ZNF282: variants seen among roughly 807,000 people sequenced by gnomAD.
The protein encoded by ZNF282 is HTLV-I U5 repressive element-binding protein 1.
In ZNF282, 30 loss-of-function variants were observed where a neutral mutation model predicts 61.9. The ratio of observed to expected loss-of-function variants is 0.48; its 90% CI spans 0.36 to 0.66. The LOEUF (loss-of-function observed/expected upper bound fraction) is 0.66. Ranked by LOEUF, ZNF282 falls within the 30% of genes least tolerant of loss-of-function variation. The pLI is 0.00. For synonymous variants in ZNF282, 396 were observed against 405.0 expected (o/e 0.98, Z 0.27); for missense variants, 788 against 941.4 (o/e 0.84, Z 2.13).
chr7:149,220,378 C>G (rs538815061), intron 7 of ZNF282, among the ~76,000 whole-genome samples: 43 of 152,076 alleles, frequency 2.8e-4, no homozygotes, highest in Non-Finnish European at 5.1e-4. Context: ...CGCCACTGCA[C>G]TCCAGCCTGC....
At chr7:149,212,244 C>A in intron 5 of ZNF282, 114 bp from the exon 6 acceptor site, 1 of 682,672 alleles carries the variant, frequency 1.5e-6, no homozygotes, top group Non-Finnish European at 2.5e-6. Context: ...GTAATTGTAC[C>A]TGATGTTTAG....
chr7:149,216,862 G>C (rs756264271), intron 7 of ZNF282, among the ~76,000 whole-genome samples: 3 of 152,242 alleles, frequency 2.0e-5, no homozygotes, highest in Non-Finnish European at 4.4e-5. Context: ...TTGTAAAAGG[G>C]ACTCCTGAAT....
At chr7:149,202,544 G>C (rs997857108) in intron 2 of ZNF282, among the ~76,000 whole-genome samples, 3 of 151,990 alleles carry the variant, frequency 2.0e-5, no homozygotes, top group Non-Finnish European at 2.9e-5. Context: ...TCGAACTCCT[G>C]ACCTCGTGAT....
chr7:149,210,813 C>G, intron 5 of ZNF282, 109 bp downstream of exon 5: 1 of 1,410,812 alleles, frequency 7.1e-7, no homozygotes, highest in Non-Finnish European at 9.4e-7. Flanking sequence ...GGCCAGAGGG[C>G]TGAGCTCGAA....
chr7:149,200,379 T>C (rs1030899642), intron 2 of ZNF282, among the ~76,000 whole-genome samples: 1 of 152,162 alleles, frequency 6.6e-6, no homozygotes, highest in African/African-American at 2.4e-5. Flanking sequence ...GTGACCACTC[T>C]CTCCGTGAAA....
rs543127445 is a variant in ZNF282 at position 149,209,705 on chromosome 7, C to T, written c.833-880C>T. On this transcript the variant is annotated intron_variant, in intron 4 of 7. Coordinates refer to ENST00000610704, the MANE Select transcript of ZNF282 (RefSeq NM_003575.4). Reference sequence around the variant, plus strand: ...TGGTGCGGAGTTGAAGGCAGGATCCCAGTCTTCAGATTCTTTGTCTTCTCT... The same window carrying T: ...TGGTGCGGAGTTGAAGGCAGGATCCTAGTCTTCAGATTCTTTGTCTTCTCT... 7.9e-5 allele frequency among the ~76,000 whole-genome samples: 12 copies of T among 152,222 alleles called. No homozygotes were observed. The East Asian group carries it at 9.7e-4, about 12-fold the overall frequency.
rs2129523855 is a variant in ZNF282, at chr7:149,225,899, C to T, written c.*1252C>T. On this transcript the variant is annotated 3_prime_UTR_variant, in exon 8 of 8. Transcript: ENST00000610704. ...CTCCGGGCGCTGCGTCCCGAGGGGC[C>T]ACAGTCTCCATTTCAGCGTCTTGCA... is the stretch of plus-strand genomic sequence containing the variant. 1 of 152,796 alleles carries T rather than the reference C, an allele frequency of 6.5e-6. No individual in the cohort carries two copies. Among genetic ancestry groups the T allele is most frequent in the Non-Finnish European group, 1.5e-5 (1 of 68,112 alleles). 9.5% of individuals were successfully genotyped at this position (152,796 alleles called of 1,614,324 possible).
At chr7:149,214,255 T>C (rs1585570857) in intron 7 of ZNF282, among the ~76,000 whole-genome samples, 1 of 152,308 alleles carries the variant, frequency 6.6e-6, no homozygotes, top group East Asian at 1.9e-4. Flanking sequence ...CTTGTGTCTG[T>C]CCTCACATGC....
chr7:149,222,434 A>G (rs996210771), intron 7 of ZNF282, among the ~76,000 whole-genome samples: 13 of 152,082 alleles, frequency 8.5e-5, no homozygotes, highest in African/African-American at 3.1e-4. Context: ...GGGCCTCTAG[A>G]TGGTTTTCAC....
At chr7:149,218,104 GAA>G (rs553203834) in intron 7 of ZNF282, among the ~76,000 whole-genome samples, 4 of 96,568 alleles carry the variant, frequency 4.1e-5, no homozygotes. Context: ...CCCTGTCTCA[GAA>G]AAAAAAAAAA....
At chr7:149,209,012 C>A (rs1389230652) in intron 4 of ZNF282, among the ~76,000 whole-genome samples, 1 of 14,324 alleles carries the variant, frequency 7.0e-5, no homozygotes, top group Non-Finnish European at 2.8e-4. Flanking sequence ...CAGAGGGAGA[C>A]TTCATCTCAA....
Position 149,220,006 on chromosome 7 carries a change from C to G in ZNF282, c.1181-3806C>G, listed in dbSNP as rs140300653. Among the ~76,000 whole-genome samples the G allele has an allele frequency of 2.5e-3, 384 of 152,190 alleles. 2 individuals are homozygous for G. The highest frequency in any genetic ancestry group is 8.9e-3 in the African/African-American group (368 of 41,512). Reference sequence around the variant, plus strand: ...AAATGACATGTGAGGAGCTGGGGCACGGGCCACATGGGCCTAGGGAGGGGG... The same window carrying G: ...AAATGACATGTGAGGAGCTGGGGCAGGGGCCACATGGGCCTAGGGAGGGGG... On this transcript the variant is annotated intron_variant, in intron 7 of 7. Transcript: ENST00000610704.
In ZNF282 at chr7:149,199,305, G is replaced by A. The variant is rs1293278824; in HGVS notation, c.585+553G>A. Among the ~76,000 whole-genome samples, 4 of 152,248 alleles carry A rather than the reference G, an allele frequency of 2.6e-5. No individual in the cohort carries two copies. The East Asian group carries it at 7.7e-4, about 29-fold the overall frequency. The stretch of plus-strand genomic sequence containing the variant: ...TTCACTGAGAGAACGGAGTCACCCA[G>A]AAGAGGCGTCCACATGCAGCCAGCT... On this transcript the variant is annotated intron_variant, in intron 2 of 7. Transcript: ENST00000610704.
Position 149,213,436 on chromosome 7 carries a change from G to A in ZNF282, c.1067-265G>A, listed in dbSNP as rs539605846. ...TCCTCTGGGGCTAAGTGGCAGAGCTGGGAGATCTGGGTTTTAATCCCGGCC... is the reference window on the plus strand; with the variant it reads ...TCCTCTGGGGCTAAGTGGCAGAGCTAGGAGATCTGGGTTTTAATCCCGGCC... On this transcript the variant is annotated intron_variant, in intron 6 of 7. Coordinates refer to ENST00000610704, the MANE Select transcript of ZNF282 (RefSeq NM_003575.4). Among the ~76,000 whole-genome samples, 4 of 152,282 alleles carry A rather than the reference G, an allele frequency of 2.6e-5. No homozygotes were observed. In the South Asian group the frequency reaches 6.2e-4, roughly 24 times the overall value.
At chr7:149,206,546 G>A in intron 2 of ZNF282, 150 bp from the exon 3 acceptor site, 1 of 1,107,422 alleles carries the variant, frequency 9.0e-7, no homozygotes, top group Non-Finnish European at 1.3e-6. Context: ...AGAGAGGACT[G>A]ACTCCACTGA....
intron 7 of ZNF282, among the ~76,000 whole-genome samples, chr7:149,220,356 G>A (rs576969425): frequency 5.3e-5 from 8 of 152,174 alleles, no homozygotes; most frequent in South Asian, 2.1e-4. Context: ...AGCTTGCAGC[G>A]AGCTGAGATC....
At chr7:149,214,578 C>T (rs1253639299) in intron 7 of ZNF282, among the ~76,000 whole-genome samples, 1 of 152,084 alleles carries the variant, frequency 6.6e-6, no homozygotes, top group Non-Finnish European at 1.5e-5. Flanking sequence ...ACCCATGATC[C>T]CAGCACTTTG....
intron 5 of ZNF282, among the ~76,000 whole-genome samples, chr7:149,211,506 G>C (rs1442711646): frequency 6.6e-6 from 1 of 152,112 alleles, no homozygotes. Context: ...CTTGACTCAA[G>C]TCTACTGACT....
intron 7 of ZNF282, among the ~76,000 whole-genome samples, chr7:149,214,421 G>A (rs1273017188): frequency 6.6e-6 from 1 of 152,090 alleles, no homozygotes; most frequent in Non-Finnish European, 1.5e-5. Context: ...TGGGGAGGGG[G>A]GAAGGCACAA....
Sources: allele counts gnomAD v4.1 joint callset (sites outside exome capture counted in the v4.1 genomes callset), GRCh38; gene constraint gnomAD v4.1.1; transcripts MANE v1.5; gene names NCBI Gene and HGNC (gene_info 2026-07-23, HGNC 2026-07-21).